Variants in DPY30 observed in about 807,000 individuals in gnomAD.
DPY30 encodes the protein dpy-30 histone methyltransferase complex regulatory subunit.
Under a neutral mutation model 16.2 loss-of-function variants are expected in DPY30, and 6 were observed. The ratio of observed to expected loss-of-function variants is 0.37; its 90% CI spans 0.20 to 0.73. DPY30 has a LOEUF of 0.73. DPY30 is among the 30% of genes least tolerant of loss of function. The pLI, the probability that DPY30 is intolerant of heterozygous loss-of-function variation, is 0.51. For synonymous variants in DPY30, 39 were observed against 38.8 expected, an observed-to-expected ratio of 1.00 and a Z score of -0.02; for missense variants, 73 against 113.1, an observed-to-expected ratio of 0.65 and a Z score of 1.61.
At chr2:32,029,343 TAAATA>T (rs1238657849) in intron 4 of DPY30, among the ~76,000 whole-genome samples, 6 of 152,114 alleles carry the variant, frequency 3.9e-5, no homozygotes, top group Admixed American at 3.9e-4. Context: ...TATGTCATAA[TAAATA>T]AAAAGAAAAA....
intron 5 of DPY30, among the ~76,000 whole-genome samples, chr2:32,012,624 G>C (rs11689454): frequency 6.6e-6 from 1 of 151,712 alleles, no homozygotes; most frequent in Non-Finnish European, 1.5e-5. Context: ...TTTTAGTAGA[G>C]ACAGGGTTTC....
intron 3 of DPY30, among the ~76,000 whole-genome samples, chr2:32,030,020 A>C (rs1022711021): frequency 6.6e-6 from 1 of 151,856 alleles, no homozygotes; most frequent in Non-Finnish European, 1.5e-5. Flanking sequence ...GAGTAAATAC[A>C]AATCCTTTTT....
In DPY30 at chr2:32,012,490, G is replaced by A. The variant is rs944741037; in HGVS notation, n.378-438C>T. On this transcript the variant is annotated intron_variant and non_coding_transcript_variant, in intron 5 of 5. Transcript: ENST00000414013. ...CTGTCACCCAGGCTGGAGTGCAGTG[G>A]CTCGATCTGGGCTCGCTGCAACCTC... Among the ~76,000 whole-genome samples the A allele has an allele frequency of 8.6e-5, 12 of 139,672 alleles. No homozygotes were observed. In the Admixed American group the frequency reaches 9.3e-4, roughly 11 times the overall value. 91.6% of individuals were successfully genotyped at this position (139,672 alleles called of 152,430 possible).
downstream of DPY30, among the ~76,000 whole-genome samples, chr2:32,022,191 C>G (rs1006328299): frequency 6.9e-6 from 1 of 144,722 alleles, no homozygotes; most frequent in Non-Finnish European, 1.5e-5. Flanking sequence ...GCCTGAGTGA[C>G]AGAGCGAGAC....
In DPY30 at chr2:32,032,489, T is replaced by C. The variant is rs368534591; in HGVS notation, c.85-2753A>G. On this transcript the variant is annotated intron_variant, in intron 3 of 4. Coordinates refer to ENST00000342166, the MANE Select transcript of DPY30 (RefSeq NM_001321209.2). ...TTCACACTGATCACAACAAAGACAA[T>C]GCGGCAAACTTCAAAATCTCACAGT... Among the ~76,000 whole-genome samples, 3 of 152,138 alleles carry C rather than the reference T, an allele frequency of 2.0e-5. No individual in the cohort carries two copies. In the South Asian group the frequency reaches 6.2e-4, roughly 32 times the overall value.
chr2:32,014,596 GC>G (rs1675028074), intron 5 of DPY30, among the ~76,000 whole-genome samples: 1 of 151,528 alleles, frequency 6.6e-6, no homozygotes, highest in South Asian at 2.1e-4. Context: ...CCATTCTCCT[GC>G]CTCAGCCTCC....
intron 4 of DPY30, among the ~76,000 whole-genome samples, chr2:32,026,653 C>T (rs1024967685): frequency 2.0e-5 from 3 of 151,670 alleles, no homozygotes; most frequent in Non-Finnish European, 2.9e-5. Context: ...TAGCCAGGCA[C>T]GATGGCAGGC....
At chr2:32,036,584 T>C (rs1216968734) in intron 3 of DPY30, among the ~76,000 whole-genome samples, 4 of 148,044 alleles carry the variant, frequency 2.7e-5, no homozygotes, top group East Asian at 4.0e-4. Context: ...GGCAGGAGAA[T>C]GGCATGAACC....
chr2:32,027,910 G>A (rs1418660283), intron 4 of DPY30, among the ~76,000 whole-genome samples: 2 of 151,838 alleles, frequency 1.3e-5, no homozygotes, highest in African/African-American at 4.8e-5. Flanking sequence ...TTACAGGCGT[G>A]AGCCACCACG....
downstream of DPY30, among the ~76,000 whole-genome samples, chr2:32,020,154 T>C (rs1042236011): frequency 2.0e-5 from 3 of 151,880 alleles, no homozygotes; most frequent in African/African-American, 7.3e-5. Context: ...AGGAGTAAGC[T>C]ATGCTCTTAC....
chr2:32,019,896 GTA>G (rs1192997738), downstream of DPY30, among the ~76,000 whole-genome samples: 1 of 140,102 alleles, frequency 7.1e-6, no homozygotes, highest in Non-Finnish European at 1.6e-5. Context: ...GTATATGTGT[GTA>G]TATATATAAA....
chr2:32,012,255 A>G (rs1674953932), intron 5 of DPY30, among the ~76,000 whole-genome samples: 1 of 151,872 alleles, frequency 6.6e-6, no homozygotes. Context: ...AGCCTAGTCA[A>G]TTACTGGAAC....
chr2:32,023,177 T>C (rs1675222067), downstream of DPY30, among the ~76,000 whole-genome samples: 2 of 149,560 alleles, frequency 1.3e-5, no homozygotes, highest in African/African-American at 4.9e-5. Flanking sequence ...AAATGTTCTC[T>C]GGGGAAATGG....
In DPY30 at chr2:32,039,791, A is replaced by T. The variant is rs987595473; in HGVS notation, c.-95T>A. 2.6e-6 allele frequency: 1 copy of T among 389,734 alleles called. No individual in the cohort carries two copies. The highest frequency in any genetic ancestry group is 4.7e-6 in the Non-Finnish European group (1 of 211,642). The allele number at this position is 389,734 out of a possible 1,614,324, so 24.1% of individuals were successfully genotyped here. On this transcript the variant is annotated 5_prime_UTR_variant, in exon 1 of 5. It adds an upstream start codon to the 5' untranslated region. Transcript: ENST00000342166. ...CACCGCGCCACCAGCTCCCAGCACAAACAGCTCCGGCCGTAAGTGACGGCT... is the reference window on the plus strand; with the variant it reads ...CACCGCGCCACCAGCTCCCAGCACATACAGCTCCGGCCGTAAGTGACGGCT...
chr2:32,033,813 T>C (rs968967086), intron 3 of DPY30, among the ~76,000 whole-genome samples: 4 of 152,360 alleles, frequency 2.6e-5, no homozygotes, highest in African/African-American at 9.6e-5. Context: ...CAATTTCACT[T>C]GTCAAAATCT....
rs113410709 is a variant in DPY30, at chr2:32,012,712, A to G, written n.378-660T>C. On this transcript the variant is annotated intron_variant and non_coding_transcript_variant, in intron 5 of 5. Coordinates refer to the DPY30 transcript ENST00000414013. ...CTCGGCCTCCCAAAGTGCTGGGATTACAGGCATGAGCCATCGCACCCAGGC... is the reference window on the plus strand; with the variant it reads ...CTCGGCCTCCCAAAGTGCTGGGATTGCAGGCATGAGCCATCGCACCCAGGC... Among the ~76,000 whole-genome samples the G allele has an allele frequency of 7.4e-3, 1,126 of 152,264 alleles. 15 individuals are homozygous for G. Among genetic ancestry groups the G allele is most frequent in the African/African-American group, 0.026 (1,086 of 41,552 alleles).
chr2:32,027,881 G>A (rs917834034), intron 4 of DPY30, among the ~76,000 whole-genome samples: 5 of 151,858 alleles, frequency 3.3e-5, no homozygotes, highest in Admixed American at 6.6e-5. Flanking sequence ...GCCCGCCTCG[G>A]CCTCCCAAAG....
intron 3 of DPY30, among the ~76,000 whole-genome samples, chr2:32,029,951 T>A (rs960002459): frequency 4.6e-5 from 7 of 152,114 alleles, no homozygotes; most frequent in Admixed American, 6.6e-5. Context: ...TATTATCTCA[T>A]TGTTCTAATG....
At chr2:32,028,495 G>A (rs1337521599) in intron 4 of DPY30, among the ~76,000 whole-genome samples, 2 of 152,110 alleles carry the variant, frequency 1.3e-5, no homozygotes, top group Non-Finnish European at 2.9e-5. Flanking sequence ...AGAAATAATT[G>A]TACTCTTGCT....
Sources: gnomAD v4.1 joint callset for allele counts (sites outside exome capture counted in the v4.1 genomes callset) on GRCh38, gnomAD v4.1.1 for gene constraint, MANE v1.5 for transcripts, NCBI Gene and HGNC (gene_info 2026-07-23, HGNC 2026-07-21) for gene names.